CALN1: variants seen among roughly 807,000 people sequenced by gnomAD.
CALN1 encodes calcium-binding protein 8.
Under a neutral mutation model 30.6 loss-of-function variants are expected in CALN1, and 17 were observed. The ratio of observed to expected loss-of-function variants is 0.56; its 90% confidence interval spans 0.38 to 0.83. CALN1 has a LOEUF of 0.83. Ranked by LOEUF, CALN1 falls within the 40% of genes least tolerant of loss-of-function variation. The pLI, the probability that CALN1 is intolerant of heterozygous loss-of-function variation, is 0.00. For missense variants in CALN1, 291 were observed against 354.9 expected, an observed-to-expected ratio of 0.82 and a Z score of 1.45; for synonymous variants, 156 against 131.4, an observed-to-expected ratio of 1.19 and a Z score of -1.28.
chr7:71,897,290 G>A lies in CALN1; in HGVS notation c.502-86798C>T, dbSNP rs141711924. Among the ~76,000 whole-genome samples, 16 of 152,208 alleles carry A rather than the reference G, an allele frequency of 1.1e-4. No homozygotes were observed. In the East Asian group the frequency reaches 1.5e-3, roughly 15 times the overall value. ...GTGAGAATTTGGGAACTGTTGCACC[G>A]GGACTTGTAAGCATAATTTCATTTT... On this transcript the variant is annotated intron_variant, in intron 5 of 6. Coordinates refer to ENST00000395275, the MANE Select transcript of CALN1 (RefSeq NM_031468.4).
intron 5 of CALN1, among the ~76,000 whole-genome samples, chr7:71,922,176 T>C (rs142944069): frequency 8.5e-4 from 130 of 152,320 alleles, no homozygotes; most frequent in African/African-American, 3.0e-3. Context: ...AGAGACGTTA[T>C]AATTGAAAGT....
intron 5 of CALN1, among the ~76,000 whole-genome samples, chr7:71,931,748 T>C (rs1418401730): frequency 6.6e-6 from 1 of 152,128 alleles, no homozygotes; most frequent in Non-Finnish European, 1.5e-5. Context: ...GGGATTCTCT[T>C]TGAGGAGGGT....
chr7:71,941,402 A>C (rs1796123999), intron 5 of CALN1, among the ~76,000 whole-genome samples: 1 of 152,134 alleles, frequency 6.6e-6, no homozygotes, highest in African/African-American at 2.4e-5. Flanking sequence ...AATGAAGTTA[A>C]CTGACGGGGG....
intron 3 of CALN1, among the ~76,000 whole-genome samples, chr7:72,207,572 C>A (rs1791981535): frequency 6.6e-6 from 1 of 152,088 alleles, no homozygotes. Flanking sequence ...AGATCCGCCT[C>A]CTGGTAGTGC....
At chr7:72,486,471 A>C in the CALN1 span, among the ~76,000 whole-genome samples, 1 of 152,004 alleles carries the variant, frequency 6.6e-6, no homozygotes, top group Non-Finnish European at 1.5e-5. Flanking sequence ...TTCTGGGTTC[A>C]AGTGATTATC....
At chr7:72,017,017 A>AAAAAAAAAAAAAAAAAAAAAACAG (rs1562979451) in intron 5 of CALN1, among the ~76,000 whole-genome samples, 1 of 147,484 alleles carries the variant, frequency 6.8e-6, no homozygotes. Flanking sequence ...AAAAAAAAAA[A>AAAAAAAAAAAAAAAAAAAAAACAG]GCTGGGTATG....
intron 5 of CALN1, among the ~76,000 whole-genome samples, chr7:71,822,113 T>C (rs748767430): frequency 3.9e-5 from 6 of 152,304 alleles, no homozygotes; most frequent in Non-Finnish European, 7.4e-5. Context: ...TTTAGAGATA[T>C]GTCTCTTACA....
chr7:72,220,202 C>A lies in CALN1; in HGVS notation c.244+58484G>T, dbSNP rs1431457567. ...GCTATCCCTCCCCCCTCCCCCCACC[C>A]CACAACAGTCCCTGGAGTGTGATGT... On this transcript the variant is annotated intron_variant, in intron 3 of 6. Transcript: ENST00000395275. Among the ~76,000 whole-genome samples the A allele has an allele frequency of 1.0e-3, 123 of 117,384 alleles. 2 individuals are homozygous for A. Among genetic ancestry groups the A allele is most frequent in the African/African-American group, 3.9e-3 (121 of 30,684 alleles). The allele number at this position is 117,384 out of a possible 152,430, so 77.0% of individuals were successfully genotyped here. A position where few individuals can be genotyped will look rare whatever the true frequency, so the allele number is the denominator to read the frequency against.
chr7:72,423,026 C>T (rs1013602691), intron 1 of CALN1, among the ~76,000 whole-genome samples: 9 of 151,420 alleles, frequency 5.9e-5, no homozygotes, highest in Non-Finnish European at 1.3e-4. Flanking sequence ...ACATGAGAAT[C>T]GCTTGAACCC....
intron 1 of CALN1, among the ~76,000 whole-genome samples, chr7:72,444,177 C>A (rs533213350): frequency 3.3e-4 from 50 of 151,876 alleles, no homozygotes; most frequent in Admixed American, 4.6e-4. Context: ...GAGCGGTTAT[C>A]CCGTTTCAGA....
chr7:71,847,541 A>T (rs1790339104), intron 5 of CALN1, among the ~76,000 whole-genome samples: 1 of 151,300 alleles, frequency 6.6e-6, no homozygotes, highest in Admixed American at 6.6e-5. Flanking sequence ...AATTATCCAG[A>T]TGTGGTGGTG....
intron 2 of CALN1, among the ~76,000 whole-genome samples, chr7:72,328,313 T>A (rs1801426056): frequency 6.6e-6 from 1 of 152,166 alleles, no homozygotes; most frequent in Non-Finnish European, 1.5e-5. Context: ...GTTTCCCCCA[T>A]ACTGTTCTCA....
intron 2 of CALN1, among the ~76,000 whole-genome samples, chr7:72,340,392 T>C (rs1246100907): frequency 1.3e-5 from 2 of 151,950 alleles, no homozygotes; most frequent in Non-Finnish European, 2.9e-5. Flanking sequence ...CCCAGATGTC[T>C]GCTTTTTTAA....
chr7:71,857,484 G>C (rs1354542686), intron 5 of CALN1, among the ~76,000 whole-genome samples: 1 of 152,064 alleles, frequency 6.6e-6, no homozygotes, highest in African/African-American at 2.4e-5. Context: ...TGCTGCCTTG[G>C]GCGTTTCAAA....
intron 2 of CALN1, among the ~76,000 whole-genome samples, chr7:72,397,858 G>A (rs1336169124): frequency 6.6e-6 from 1 of 152,034 alleles, no homozygotes; most frequent in Non-Finnish European, 1.5e-5. Context: ...CATTGATCAT[G>A]CCTAGCCCTT....
At chr7:72,019,713 C>G (rs147932699) in intron 5 of CALN1, among the ~76,000 whole-genome samples, 135 of 152,276 alleles carry the variant, frequency 8.9e-4, no homozygotes, top group African/African-American at 3.0e-3. Context: ...ACAGCTCCAG[C>G]CAGCATCTTG....
intron 3 of CALN1, among the ~76,000 whole-genome samples, chr7:72,237,147 G>A (rs1794525879): frequency 6.6e-6 from 1 of 151,984 alleles, no homozygotes. Context: ...ACCACACCTG[G>A]CTAATTTTCT....
chr7:71,944,126 G>C (rs1163693394), intron 5 of CALN1, among the ~76,000 whole-genome samples: 3 of 152,128 alleles, frequency 2.0e-5, no homozygotes, highest in African/African-American at 7.2e-5. Context: ...AAGGAGCTCA[G>C]TGGTTATATG....
At chr7:71,963,970 T>C (rs1375274271) in intron 5 of CALN1, among the ~76,000 whole-genome samples, 1 of 152,158 alleles carries the variant, frequency 6.6e-6, no homozygotes, top group East Asian at 1.9e-4. Flanking sequence ...GTCCCCAAAA[T>C]ATGTCTTGTT....
Sources: allele counts gnomAD v4.1 joint callset (sites outside exome capture counted in the v4.1 genomes callset), GRCh38; gene constraint gnomAD v4.1.1; transcripts MANE v1.5; gene names NCBI Gene and HGNC (gene_info 2026-07-23, HGNC 2026-07-21).